The following SAMD12 variants were observed in gnomAD, a reference collection of about 807,000 sequenced individuals.
The protein encoded by SAMD12 is sterile alpha motif domain containing 12.
In SAMD12, 9 loss-of-function variants were observed where a neutral mutation model predicts 15.0. That is an observed-to-expected ratio of 0.60 (90% CI 0.36 to 1.05). The LOEUF (loss-of-function observed/expected upper bound fraction) is 1.05, where lower values mean the gene tolerates loss of function less well. Ranked by LOEUF, SAMD12 falls within the 50% of genes least tolerant of loss-of-function variation. The pLI is 0.01. For missense variants in SAMD12, 230 were observed against 234.2 expected (o/e 0.98, Z 0.12); for synonymous variants, 86 against 90.1 (o/e 0.96, Z 0.25).
Position 118,519,769 on chromosome 8 carries a change from T to C in SAMD12, c.192+60946A>G, listed in dbSNP as rs576244744. 2.0e-5 allele frequency among the ~76,000 whole-genome samples: 3 copies of C among 152,266 alleles called. No homozygotes were observed. In the East Asian group the frequency reaches 5.8e-4, roughly 29 times the overall value. Reference sequence around the variant, plus strand: ...ATTTTTTAAAAAGGAGAACCACAAATTGCCTAAAGCAGTAAACTTTTAAAA... The same window carrying C: ...ATTTTTTAAAAAGGAGAACCACAAACTGCCTAAAGCAGTAAACTTTTAAAA... On this transcript the variant is annotated intron_variant, in intron 2 of 3. Transcript: ENST00000314727.
chr8:118,341,080 C>T (rs1162992988), intron 4 of SAMD12, among the ~76,000 whole-genome samples: 3 of 152,150 alleles, frequency 2.0e-5, no homozygotes, highest in Non-Finnish European at 4.4e-5. Flanking sequence ...GGATGAAAAA[C>T]GAATGGCTTC....
chr8:118,212,831 A>C (rs1586348592), intron 4 of SAMD12, among the ~76,000 whole-genome samples: 1 of 152,348 alleles, frequency 6.6e-6, no homozygotes, highest in East Asian at 1.9e-4. Context: ...TGTGACCTAC[A>C]GTGATTACAA....
chr8:118,304,357 T>G (rs73320266), intron 4 of SAMD12, among the ~76,000 whole-genome samples: 2,998 of 152,332 alleles, frequency 0.02, 81 homozygotes, highest in African/African-American at 0.066. Flanking sequence ...TCCTAGTCTT[T>G]TGATCCCACT....
At chr8:118,250,454 C>T (rs4876406) in intron 4 of SAMD12, among the ~76,000 whole-genome samples, 5,064 of 151,930 alleles carry the variant, frequency 0.033, 122 homozygotes, top group Non-Finnish European at 0.053. Flanking sequence ...GTGAATGCCC[C>T]CAAATACCCC....
At chr8:118,188,781 TTTTAAG>T (rs1417190447), downstream of SAMD12, among the ~76,000 whole-genome samples, 2 of 152,034 alleles carry the variant, frequency 1.3e-5, no homozygotes, top group East Asian at 1.9e-4. Flanking sequence ...GGGATTTTTT[TTTTAAG>T]TTTGAGAAAA....
chr8:118,237,330 G>A (rs1586372447), intron 4 of SAMD12, among the ~76,000 whole-genome samples: 1 of 152,138 alleles, frequency 6.6e-6, no homozygotes, highest in East Asian at 1.9e-4. Context: ...GTTACGTAGA[G>A]CATATTTATC....
chr8:118,164,315 A>G, the SAMD12 span, among the ~76,000 whole-genome samples: 1 of 152,200 alleles, frequency 6.6e-6, no homozygotes, highest in East Asian at 1.9e-4. Context: ...TCTTCTCTGG[A>G]TTTTGAAGGT....
chr8:118,618,310 T>G (rs1348030836), intron 1 of SAMD12, among the ~76,000 whole-genome samples: 1 of 152,226 alleles, frequency 6.6e-6, no homozygotes, highest in African/African-American at 2.4e-5. Context: ...AGTGAACTAC[T>G]TGCTAGTAAC....
At chr8:118,554,636 C>T (rs919301576) in intron 2 of SAMD12, among the ~76,000 whole-genome samples, 3 of 151,812 alleles carry the variant, frequency 2.0e-5, no homozygotes, top group Non-Finnish European at 1.5e-5. Flanking sequence ...TGTAACTAAC[C>T]TGCACATTGT....
At chr8:118,161,309 C>A in the SAMD12 span, among the ~76,000 whole-genome samples, 1 of 152,106 alleles carries the variant, frequency 6.6e-6, no homozygotes, top group Non-Finnish European at 1.5e-5. Context: ...AAAGACACTG[C>A]GTGTTGGCTC....
chr8:118,241,181 G>A (rs28370842), intron 4 of SAMD12, among the ~76,000 whole-genome samples: 3,029 of 152,218 alleles, frequency 0.02, 101 homozygotes, highest in African/African-American at 0.07. Flanking sequence ...TTCCTGATGC[G>A]AGAGTGATTA....
rs56822477 is a variant in SAMD12, at chr8:118,505,343, C to CT, written c.193-65383dup. On this transcript the variant is annotated intron_variant, in intron 2 of 3. Coordinates refer to ENST00000314727, the MANE Select transcript of SAMD12 (RefSeq NM_207506.3). Reference sequence around the variant, plus strand: ...TGTCTCCTTTCTTATGGGCAGAGCTCTTTTTTTTTTTTTTTTTCAGGGCAG... The same window carrying CT: ...TGTCTCCTTTCTTATGGGCAGAGCTCTTTTTTTTTTTTTTTTTTCAGGGCAG... Among the ~76,000 whole-genome samples, 1,167 of 133,366 alleles carry CT rather than the reference C, an allele frequency of 8.8e-3. 10 individuals carry two copies. Among genetic ancestry groups the CT allele is most frequent in the Middle Eastern group, 0.013 (3 of 234 alleles). 87.5% of individuals were successfully genotyped at this position (133,366 alleles called of 152,430 possible).
At chr8:118,588,515 C>T (rs1827505783) in intron 1 of SAMD12, among the ~76,000 whole-genome samples, 1 of 152,092 alleles carries the variant, frequency 6.6e-6, no homozygotes, top group African/African-American at 2.4e-5. Context: ...GTTCAATGTC[C>T]ATAAAGTGTT....
At chr8:118,554,155 C>T (rs534505231) in intron 2 of SAMD12, among the ~76,000 whole-genome samples, 67 of 152,224 alleles carry the variant, frequency 4.4e-4, no homozygotes, top group African/African-American at 1.6e-3. Flanking sequence ...ACTAGAAATA[C>T]CATTTGACCC....
At chr8:118,344,234 A>T (rs1221355883) in intron 4 of SAMD12, among the ~76,000 whole-genome samples, 1 of 152,196 alleles carries the variant, frequency 6.6e-6, no homozygotes, top group Non-Finnish European at 1.5e-5. Flanking sequence ...TAATGTGGGA[A>T]GGTTGACAGT....
chr8:118,549,013 G>A (rs866987673), intron 2 of SAMD12, among the ~76,000 whole-genome samples: 6 of 152,252 alleles, frequency 3.9e-5, no homozygotes, highest in East Asian at 1.9e-4. Flanking sequence ...TTAGGTAAAC[G>A]AAGCAGCCAG....
chr8:118,595,113 C>T lies in SAMD12; in HGVS notation c.14-14220G>A, dbSNP rs562693909. 3.3e-5 allele frequency among the ~76,000 whole-genome samples: 5 copies of T among 152,264 alleles called. No homozygotes were observed. The East Asian group carries it at 7.7e-4, about 24-fold the overall frequency. ...ACATATCCCATATCCCTCATGTTCC[C>T]ACCCATGCATCCTACAGCCCAGCAC... On this transcript the variant is annotated intron_variant, in intron 1 of 3. Coordinates refer to ENST00000314727, the MANE Select transcript of SAMD12 (RefSeq NM_207506.3).
At chr8:118,158,595 G>C in the SAMD12 span, among the ~76,000 whole-genome samples, 4 of 152,238 alleles carry the variant, frequency 2.6e-5, no homozygotes, top group Non-Finnish European at 5.9e-5. Context: ...GAAAGTGGCA[G>C]GTCCCTGGTG....
chr8:118,439,713 T>C, intron 3 of SAMD12, 119 bp downstream of exon 3: 2 of 944,402 alleles, frequency 2.1e-6, no homozygotes, highest in South Asian at 3.0e-5. Context: ...CCTTTGGAAG[T>C]AAACCCATGC....
Sources: gnomAD v4.1 joint callset for allele counts (sites outside exome capture counted in the v4.1 genomes callset) on GRCh38, gnomAD v4.1.1 for gene constraint, MANE v1.5 for transcripts, NCBI Gene and HGNC (gene_info 2026-07-23, HGNC 2026-07-21) for gene names.